The following ARHGEF3 variants were observed in gnomAD, a reference collection of about 807,000 sequenced individuals.
ARHGEF3 encodes Rho guanine nucleotide exchange factor 3.
A neutral mutation model predicts 63.2 loss-of-function variants in ARHGEF3; 28 were observed. The ratio of observed to expected loss-of-function variants is 0.44; its 90% CI spans 0.33 to 0.61. ARHGEF3 has a LOEUF of 0.61. Ranked by LOEUF, ARHGEF3 falls within the 20% of genes least tolerant of loss-of-function variation. ARHGEF3 has a pLI of 0.03. For missense variants in ARHGEF3, 533 were observed against 659.3 expected (o/e 0.81, Z 2.10); for synonymous variants, 266 against 254.2 (o/e 1.05, Z -0.44).
intron 1 of ARHGEF3, among the ~76,000 whole-genome samples, chr3:56,798,790 G>A (rs925820879): frequency 1.3e-5 from 2 of 152,070 alleles, no homozygotes; most frequent in Admixed American, 6.6e-5. Flanking sequence ...CTTAATGCTC[G>A]TATCATATCA....
At chr3:56,810,088 T>C (rs2038011517) in intron 4 of ARHGEF3, among the ~76,000 whole-genome samples, 1 of 152,172 alleles carries the variant, frequency 6.6e-6, no homozygotes, top group Non-Finnish European at 1.5e-5. Flanking sequence ...TTTATGTGGG[T>C]TTCGTATAGT....
chr3:56,784,256 G>A (rs1441244610), intron 1 of ARHGEF3, among the ~76,000 whole-genome samples: 1 of 152,190 alleles, frequency 6.6e-6, no homozygotes, highest in Non-Finnish European at 1.5e-5. Context: ...TTATGGGAAG[G>A]CCAGCCATGG....
chr3:57,040,501 A>AAAGGAAAGGAAAGGAAAGG (rs1704141082), intron 1 of ARHGEF3, among the ~76,000 whole-genome samples: 1 of 134,810 alleles, frequency 7.4e-6, no homozygotes, highest in African/African-American at 2.7e-5. Context: ...AAAGAAAAGA[A>AAAGGAAAGGAAAGGAAAGG]AATACCAAAA....
chr3:57,024,718 A>G (rs553376788), intron 2 of ARHGEF3, among the ~76,000 whole-genome samples: 2 of 152,202 alleles, frequency 1.3e-5, no homozygotes, highest in South Asian at 4.1e-4. Context: ...CGATCTCCTG[A>G]CCTCATGATC....
intron 8 of ARHGEF3, among the ~76,000 whole-genome samples, chr3:56,733,063 C>T (rs1376012580): frequency 6.6e-6 from 1 of 151,916 alleles, no homozygotes; most frequent in Admixed American, 6.6e-5. Flanking sequence ...GCGGGCGGAT[C>T]ACCAGGTCAG....
At chr3:56,862,881 G>C (rs1560002237) in intron 4 of ARHGEF3, among the ~76,000 whole-genome samples, 1 of 152,074 alleles carries the variant, frequency 6.6e-6, no homozygotes, top group Non-Finnish European at 1.5e-5. Context: ...TGATTCATTA[G>C]AATTCTTACA....
At position 56,927,998 on chromosome 3, in the gene ARHGEF3, T is replaced by C. The variant is rs141771295; in HGVS notation, c.129+30825A>G. 1.6e-3 allele frequency among the ~76,000 whole-genome samples: 245 copies of C among 152,272 alleles called. 1 individual carries two copies. The highest frequency in any genetic ancestry group is 5.1e-3 in the African/African-American group (212 of 41,550). ...AATTGCCAGACAGCACACAGCTAGA[T>C]TGACATGCAGGAAATCTACCCCAAG... On this transcript the variant is annotated intron_variant, in intron 3 of 12. Transcript: ENST00000338458.
intron 8 of ARHGEF3, among the ~76,000 whole-genome samples, chr3:56,735,575 GA>G (rs2033558017): frequency 6.6e-6 from 1 of 152,170 alleles, no homozygotes; most frequent in Admixed American, 6.5e-5. Flanking sequence ...CTGATGTACA[GA>G]AAGATAATAG....
At chr3:56,755,312 G>C (rs781335082) in intron 2 of ARHGEF3, among the ~76,000 whole-genome samples, 161 bp from the exon 3 acceptor site, 1 of 152,192 alleles carries the variant, frequency 6.6e-6, no homozygotes, top group African/African-American at 2.4e-5. Context: ...TTGAGCCTAC[G>C]TGCTAAGGAA....
chr3:57,074,450 A>G (rs780780562), intron 1 of ARHGEF3: 1 of 612,284 alleles, frequency 1.6e-6, no homozygotes, highest in Non-Finnish European at 2.9e-6. Context: ...AATATCACAG[A>G]TGAAGAAATC....
chr3:57,037,874 C>CA (rs1704026239), intron 1 of ARHGEF3, among the ~76,000 whole-genome samples: 1 of 101,046 alleles, frequency 9.9e-6, no homozygotes, highest in African/African-American at 3.4e-5. Context: ...GACTCCGTCT[C>CA]AAAAAACAAA....
intron 2 of ARHGEF3, among the ~76,000 whole-genome samples, chr3:57,012,448 G>A (rs180830045): frequency 6.6e-6 from 1 of 152,102 alleles, no homozygotes; most frequent in Admixed American, 6.5e-5. Flanking sequence ...TAGTAGCGAC[G>A]GGGTTTCACA....
chr3:56,831,976 CT>C (rs2108076015), intron 4 of ARHGEF3, among the ~76,000 whole-genome samples: 1 of 152,304 alleles, frequency 6.6e-6, no homozygotes, highest in South Asian at 2.1e-4. Flanking sequence ...TTACCGTGGA[CT>C]TGAGAACTTT....
intron 3 of ARHGEF3, among the ~76,000 whole-genome samples, chr3:56,953,693 C>T (rs929363469): frequency 1.3e-5 from 2 of 152,110 alleles, no homozygotes; most frequent in African/African-American, 2.4e-5. Flanking sequence ...CAAGCCCAGA[C>T]AATCAGAGTC....
chr3:56,953,723 A>G (rs7652848), intron 3 of ARHGEF3, among the ~76,000 whole-genome samples: 152,160 of 152,306 alleles, frequency 1, 76,007 homozygotes, highest in Middle Eastern at 1. Flanking sequence ...GATTTCATAG[A>G]TGGATCCTGG....
At chr3:56,762,569 G>T (rs1390829587) in intron 2 of ARHGEF3, among the ~76,000 whole-genome samples, 1 of 152,142 alleles carries the variant, frequency 6.6e-6, no homozygotes, top group African/African-American at 2.4e-5. Context: ...GGACAGATCT[G>T]ATTTGTTAAT....
At chr3:56,991,785 T>C (rs1238134183) in intron 2 of ARHGEF3, among the ~76,000 whole-genome samples, 1 of 152,084 alleles carries the variant, frequency 6.6e-6, no homozygotes, top group Non-Finnish European at 1.5e-5. Context: ...CAGCTAACTT[T>C]TGCATTTTTA....
At chr3:56,949,080 C>T (rs1010138442) in intron 3 of ARHGEF3, among the ~76,000 whole-genome samples, 6 of 151,866 alleles carry the variant, frequency 4.0e-5, no homozygotes, top group Non-Finnish European at 7.4e-5. Context: ...ATTCAACAGC[C>T]CTTCATGCTA....
At chr3:57,038,492 G>A (rs1383606328) in intron 1 of ARHGEF3, among the ~76,000 whole-genome samples, 1 of 152,140 alleles carries the variant, frequency 6.6e-6, no homozygotes, top group Non-Finnish European at 1.5e-5. Flanking sequence ...GCCCAGGCTG[G>A]AGTGCAGTGA....
Sources: allele counts gnomAD v4.1 joint callset (sites outside exome capture counted in the v4.1 genomes callset), GRCh38; gene constraint gnomAD v4.1.1; transcripts MANE v1.5; gene names NCBI Gene and HGNC (gene_info 2026-07-23, HGNC 2026-07-21).